Variants in GCAT observed in about 807,000 individuals in gnomAD.
GCAT encodes the protein glycine C-acetyltransferase.
In GCAT, 26 loss-of-function variants were observed where a neutral mutation model predicts 39.7. The ratio of observed to expected loss-of-function variants is 0.65; its 90% confidence interval spans 0.48 to 0.91. GCAT has a LOEUF of 0.91. Among genes scored for constraint, GCAT ranks in the 40% least tolerant of loss-of-function variants. The pLI, the probability that GCAT is intolerant of heterozygous loss-of-function variation, is 0.00. For missense variants in GCAT, 550 were observed against 576.2 expected, an observed-to-expected ratio of 0.95 and a Z score of 0.47; for synonymous variants, 218 against 237.2, an observed-to-expected ratio of 0.92 and a Z score of 0.74.
At position 37,816,631 on chromosome 22, in the gene GCAT, G is replaced by A. The variant is rs149089933; in HGVS notation, c.1173G>A (p.Gln391=). 1.5e-4 allele frequency: 237 copies of A among 1,614,208 alleles called. 2 individuals are homozygous for A. The African/African-American group carries it at 2.8e-3, about 19-fold the overall frequency. The change falls in exon 9 of 9, where the codon CAG becomes CAA. Residue 391 remains glutamine (Q), a synonymous_variant. Coordinates refer to ENST00000248924, the MANE Select transcript of GCAT (RefSeq NM_014291.4). ...AGGGCAAGGCCCGGATCCGGGTACA[G>A]ATCTCAGCAGTGCATAGCGAGGAAG... is the stretch of plus-strand genomic sequence containing the variant. The part of the protein sequence containing the change: ...VPKGKARIRV[Q]ISAVHSEEDI...
rs566308999 is a variant in GCAT at position 37,813,009 on chromosome 22, G to C, written c.429+21G>C. On this transcript the variant is annotated intron_variant, in intron 3 of 8. Transcript: ENST00000248924. ...TTGAGGTGTGTGGAAGCTGTCCTGC[G>C]GGTGAGGGTTGGTGGGGCCTGTTAG... is the stretch of plus-strand genomic sequence containing the variant. 3 of 1,548,772 alleles carry C rather than the reference G, an allele frequency of 1.9e-6. No homozygotes were observed. In the South Asian group the frequency reaches 3.3e-5, roughly 17 times the overall value.
chr22:37,814,216 T>C (rs1025409081), intron 4 of GCAT, among the ~76,000 whole-genome samples: 5 of 152,134 alleles, frequency 3.3e-5, no homozygotes, highest in Admixed American at 3.3e-4. Context: ...TCCTCCCACC[T>C]CAGTCTCCTG....
chr22:37,809,930 T>C (rs774478420), intron 1 of GCAT, 97 bp from the exon 2 acceptor site: 5 of 1,534,324 alleles, frequency 3.3e-6, no homozygotes, highest in Non-Finnish European at 4.4e-6. Flanking sequence ...TCTGTTTCCT[T>C]TCTGGACCAT....
At chr22:37,814,373 C>T (rs1229160142) in intron 4 of GCAT, among the ~76,000 whole-genome samples, 2 of 152,190 alleles carry the variant, frequency 1.3e-5, no homozygotes, top group Non-Finnish European at 2.9e-5. Context: ...AATTGATTCT[C>T]CTGCCTCAGC....
intron 5 of GCAT, 21 bp from the exon 6 acceptor site, chr22:37,815,397 C>CA (rs1486097368): frequency 6.2e-7 from 1 of 1,604,654 alleles, no homozygotes; most frequent in South Asian, 1.1e-5. Context: ...CCAGTGACAG[C>CA]AGCGGTGGCT....
intron 6 of GCAT, 55 bp downstream of exon 6, chr22:37,815,555 G>A: frequency 6.5e-7 from 1 of 1,530,804 alleles, no homozygotes; most frequent in Non-Finnish European, 9.0e-7. Flanking sequence ...GGGCCCTGGA[G>A]GGGCTCAGGG....
Position 37,816,200 on chromosome 22 carries a change from G to A in GCAT, c.987G>A (p.Arg329=). The A allele has an allele frequency of 6.2e-7, 1 of 1,613,108 alleles. No individual in the cohort carries two copies. Among genetic ancestry groups the A allele is most frequent in the Non-Finnish European group, 8.5e-7 (1 of 1,179,816 alleles). The change falls in exon 8 of 9, where the codon AGG becomes AGA. Residue 329 remains arginine, a splice_region_variant and synonymous_variant. Coordinates refer to ENST00000248924, the MANE Select transcript of GCAT (RefSeq NM_014291.4). ...IVQSMAAKTQ[R]FRSKMEAAGF... ...TACCTGTGACACCTTGTGCCCACAG[G>A]TTCCGTAGTAAGATGGAAGCTGCTG...
intron 2 of GCAT, among the ~76,000 whole-genome samples, chr22:37,811,168 A>AT (rs1461231749): frequency 6.6e-6 from 1 of 152,180 alleles, no homozygotes; most frequent in Non-Finnish European, 1.5e-5. Flanking sequence ...ATCATTACAA[A>AT]TTAAAGACTT....
At chr22:37,816,519 C>T in intron 8 of GCAT, 48 bp from the exon 9 acceptor site, 1 of 1,605,916 alleles carries the variant, frequency 6.2e-7, no homozygotes, top group African/African-American at 1.3e-5. Context: ...CTGTGTTCTG[C>T]CCCCAAGCCT....
At chr22:37,812,765 AAGG>A in intron 2 of GCAT, 119 bp from the exon 3 acceptor site, 2 of 700,000 alleles carry the variant, frequency 2.9e-6, no homozygotes, top group Non-Finnish European at 2.6e-6. Flanking sequence ...GGCAGAAAGT[AAGG>A]AGACTGAGGC....
chr22:37,814,308 G>A (rs765213787), intron 4 of GCAT, among the ~76,000 whole-genome samples: 8 of 152,064 alleles, frequency 5.3e-5, no homozygotes, highest in Non-Finnish European at 1.0e-4. Context: ...TTTTTGCCCA[G>A]GCTGGAGTGC....
intron 2 of GCAT, 96 bp from the exon 3 acceptor site, chr22:37,812,790 TG>T: frequency 2.5e-6 from 2 of 796,572 alleles, no homozygotes; most frequent in Admixed American, 3.7e-5. Context: ...GCAGGCTTTC[TG>T]GGTTGGGTCT....
In GCAT at chr22:37,813,618, A is replaced by ACGCCTGGGTCCACCCTCAGCCTC. The variant is rs774561249; in HGVS notation, c.576+18_576+40dup. ...AGCTGCAGGAGGCCCAGGTGGGGCGACGCCTGGGTCCACCCTCAGCCTCCG... is the reference window on the plus strand; with the variant it reads ...AGCTGCAGGAGGCCCAGGTGGGGCGACGCCTGGGTCCACCCTCAGCCTCCGCCTGGGTCCACCCTCAGCCTCCG... On this transcript the variant is annotated intron_variant, in intron 4 of 8. Transcript: ENST00000248924. 2.6e-5 allele frequency: 42 copies of ACGCCTGGGTCCACCCTCAGCCTC among 1,596,000 alleles called. No individual in the cohort carries two copies. The highest frequency in any genetic ancestry group is 3.6e-5 in the Non-Finnish European group (42 of 1,172,342).
Position 37,815,126 on chromosome 22 carries a change from A to T in GCAT, c.577A>T (p.Lys193Ter). 1 of 1,613,698 alleles carries T rather than the reference A, an allele frequency of 6.2e-7. No homozygotes were observed. The highest frequency in any genetic ancestry group is 8.5e-7 in the Non-Finnish European group (1 of 1,179,944). ...DLEAKLQEAQ[K>*]HRLRLVATDG... The stretch of plus-strand genomic sequence containing the variant: ...CCATCTGCTCATGTCTTTCCTGCAG[A>T]AGCATCGGCTGCGCCTGGTGGCCAC... The change falls in exon 5 of 9, where the codon AAG (lysine) becomes TAG (stop). Residue 193 changes from lysine to a stop codon, truncating the protein, a stop_gained and splice_region_variant. Coordinates refer to ENST00000248924, the MANE Select transcript of GCAT (RefSeq NM_014291.4). LOFTEE classifies it high-confidence loss of function.
At chr22:37,810,194 C>T (rs761580943) in intron 2 of GCAT, 37 bp downstream of exon 2, 17 of 1,449,474 alleles carry the variant, frequency 1.2e-5, no homozygotes, top group Non-Finnish European at 1.6e-5. Context: ...GGGGACTGAC[C>T]CCAGCTGCCT....
chr22:37,815,414 G>A lies in GCAT; in HGVS notation c.732-4G>A, dbSNP rs1922054562. 1 of 1,609,636 alleles carries A rather than the reference G, an allele frequency of 6.2e-7. No homozygotes were observed. The highest frequency in any genetic ancestry group is 1.3e-5 in the African/African-American group (1 of 74,788). On this transcript the variant is annotated splice_polypyrimidine_tract_variant and splice_region_variant and intron_variant, in intron 5 of 8. Transcript: ENST00000248924. ...AGTGACAGCAGCGGTGGCTTCCCTT[G>A]CAGGGGCACAGATGAGCTGCTGGGT...
chr22:37,813,266 C>T (rs377504565), intron 3 of GCAT, 197 bp from the exon 4 acceptor site: 16 of 717,798 alleles, frequency 2.2e-5, no homozygotes, highest in Non-Finnish European at 4.1e-5. Context: ...ATTCTCACCT[C>T]CTCTTACTAG....
rs569290399 is a variant in GCAT, at chr22:37,816,782, G to A, written c.*64G>A. 2.4e-5 allele frequency: 37 copies of A among 1,556,128 alleles called. No individual in the cohort carries two copies. The highest frequency in any genetic ancestry group is 2.7e-5 in the Non-Finnish European group (31 of 1,133,154). ...TGCCACAGGGTCAAAGGAGGTTTTC[G>A]ATCAGCCCAGACCAGAGGCTCTGAG... On this transcript the variant is annotated 3_prime_UTR_variant, in exon 9 of 9. Transcript: ENST00000248924.
rs1388789439 is a variant in GCAT at position 37,816,186 on chromosome 22, C to T, written c.987-14C>T. The T allele has an allele frequency of 1.2e-6, 2 of 1,612,060 alleles. No individual in the cohort carries two copies. Among genetic ancestry groups the T allele is most frequent in the Non-Finnish European group, 1.7e-6 (2 of 1,179,338 alleles). On this transcript the variant is annotated splice_polypyrimidine_tract_variant and intron_variant, in intron 7 of 8. Coordinates refer to ENST00000248924, the MANE Select transcript of GCAT (RefSeq NM_014291.4). Reference sequence around the variant, plus strand: ...CACGGCCCCTTAGCTACCTGTGACACCTTGTGCCCACAGGTTCCGTAGTAA... The same window carrying T: ...CACGGCCCCTTAGCTACCTGTGACATCTTGTGCCCACAGGTTCCGTAGTAA...
Sources: allele counts gnomAD v4.1 joint callset (sites outside exome capture counted in the v4.1 genomes callset), GRCh38; gene constraint gnomAD v4.1.1; transcripts MANE v1.5; gene names NCBI Gene and HGNC (gene_info 2026-07-23, HGNC 2026-07-21).